PCCB: variants seen among roughly 807,000 people sequenced by gnomAD.
The protein encoded by PCCB is propionyl-CoA carboxylase subunit beta, also known as propionyl-CoA carboxylase beta chain, mitochondrial.
A neutral mutation model predicts 60.7 loss-of-function variants in PCCB; 43 were observed. That is an observed-to-expected ratio of 0.71 (90% confidence interval 0.55 to 0.91). The LOEUF (loss-of-function observed/expected upper bound fraction) is 0.91. Ranked by LOEUF, PCCB falls within the 40% of genes least tolerant of loss-of-function variation. PCCB has a pLI of 0.00. For missense variants in PCCB, 766 were observed against 702.8 expected (o/e 1.09, Z -1.02); for synonymous variants, 276 against 255.9 (o/e 1.08, Z -0.75).
chr3:136,298,152 T>G (rs1478427978), intron 8 of PCCB, 80 bp downstream of exon 8: 1 of 1,585,646 alleles, frequency 6.3e-7, no homozygotes, highest in Non-Finnish European at 8.6e-7. Context: ...CCCCAGGGTC[T>G]GCCTTGTTGG....
intron 13 of PCCB, 152 bp from the exon 14 acceptor site, chr3:136,328,606 C>A: frequency 1.5e-6 from 1 of 684,162 alleles, no homozygotes. Flanking sequence ...CCAGGCAGTT[C>A]CTCCCTCTAT....
At chr3:136,288,210 T>C (rs1215500223) in intron 6 of PCCB, among the ~76,000 whole-genome samples, 1 of 152,250 alleles carries the variant, frequency 6.6e-6, no homozygotes, top group Non-Finnish European at 1.5e-5. Flanking sequence ...TTGGTGAATG[T>C]TCCATGGGAG....
chr3:136,257,165 A>G (rs1011965689), intron 3 of PCCB, among the ~76,000 whole-genome samples: 2 of 152,196 alleles, frequency 1.3e-5, no homozygotes, highest in African/African-American at 4.8e-5. Context: ...TGGCCTTGCA[A>G]TAGGGAGAGT....
At chr3:136,309,590 A>G (rs1934582320) in intron 9 of PCCB, among the ~76,000 whole-genome samples, 1 of 151,966 alleles carries the variant, frequency 6.6e-6, no homozygotes, top group Non-Finnish European at 1.5e-5. Context: ...GCTTGAAGCC[A>G]GGAGTTGAAG....
At chr3:136,262,131 C>T in intron 5 of PCCB, 66 bp downstream of exon 5, 3 of 1,002,508 alleles carry the variant, frequency 3.0e-6, no homozygotes, top group South Asian at 1.4e-5. Flanking sequence ...ATGGCCTGGC[C>T]AGAGCTTCTC....
At chr3:136,324,169 C>T (rs576950886) in intron 10 of PCCB, among the ~76,000 whole-genome samples, 1 of 152,154 alleles carries the variant, frequency 6.6e-6, no homozygotes, top group East Asian at 1.9e-4. Flanking sequence ...TGGTCTTGAA[C>T]TCCTGTCCTT....
intron 7 of PCCB, among the ~76,000 whole-genome samples, chr3:136,295,710 C>T (rs1195805068): frequency 6.6e-6 from 1 of 152,192 alleles, no homozygotes; most frequent in Admixed American, 6.5e-5. Flanking sequence ...CTAGATATTC[C>T]ATCATCCACA....
At chr3:136,329,795 C>T in intron 14 of PCCB, 110 bp from the exon 15 acceptor site, 1 of 1,168,466 alleles carries the variant, frequency 8.6e-7, no homozygotes, top group Non-Finnish European at 1.3e-6. Flanking sequence ...TCAGGTTGGG[C>T]ACTGCTTATA....
intron 5 of PCCB, among the ~76,000 whole-genome samples, chr3:136,279,675 A>AT (rs780567066): frequency 7.3e-5 from 11 of 151,700 alleles, no homozygotes; most frequent in African/African-American, 2.2e-4. Context: ...TTATTTATTT[A>AT]TTTATTTTTT....
chr3:136,255,636 C>T (rs1576402087), intron 1 of PCCB: 1 of 575,708 alleles, frequency 1.7e-6, no homozygotes, highest in Non-Finnish European at 3.1e-6. Flanking sequence ...TCATCTTCCA[C>T]AGTTGGGTGG....
chr3:136,297,906 C>T, intron 7 of PCCB, 46 bp from the exon 8 acceptor site: 2 of 1,613,184 alleles, frequency 1.2e-6, no homozygotes, highest in Non-Finnish European at 1.7e-6. Flanking sequence ...CAACTTTGGG[C>T]TGGCTGGTAC....
Position 136,262,044 on chromosome 3 carries a change from T to G in PCCB, c.522T>G (p.Ala174=), listed in dbSNP as rs1488982685. The G allele has an allele frequency of 2.6e-6, 4 of 1,555,038 alleles. No individual in the cohort carries two copies. The highest frequency in any genetic ancestry group is 2.6e-6 in the Non-Finnish European group (3 of 1,147,676). ...ARIQEGVESL[A]GYADIFLRNV... ...TCCAAGAAGGAGTGGAGTCTTTGGC[T>G]GGCTATGCAGACATCTTTCTGGTGA... The change falls in exon 5 of 15, where the codon GCT becomes GCG. Residue 174 remains alanine (A), a synonymous_variant. Coordinates refer to ENST00000251654, the MANE Select transcript of PCCB (RefSeq NM_000532.5).
rs758309460 is a variant in PCCB, at chr3:136,327,178, AT to A, written c.1223del (p.Ile408ThrfsTer35). ...LPGTAQEYGG[I>X]IRHGAKLLYA... ...AGGCACAGCACAGGAATACGGGGGC[AT>A]CATCCGGCATGGTGCCAAGCTTCTC... On this transcript the variant is annotated frameshift_variant, in exon 12 of 15. Transcript: ENST00000251654. LOFTEE classifies it high-confidence loss of function. 313 of 1,614,088 alleles carry A rather than the reference AT, an allele frequency of 1.9e-4. No homozygotes were observed. Among genetic ancestry groups the A allele is most frequent in the Admixed American group, 2.8e-4 (17 of 60,022 alleles).
At chr3:136,274,811 T>A (rs1324755139) in intron 5 of PCCB, among the ~76,000 whole-genome samples, 2 of 151,972 alleles carry the variant, frequency 1.3e-5, no homozygotes, top group Non-Finnish European at 2.9e-5. Context: ...GAAGCTTTGT[T>A]CATTTCTTCT....
chr3:136,291,242 AG>A (rs1194076459), intron 6 of PCCB, among the ~76,000 whole-genome samples: 1 of 152,036 alleles, frequency 6.6e-6, no homozygotes, highest in Non-Finnish European at 1.5e-5. Flanking sequence ...TGAGTACCCA[AG>A]ACTACAGACA....
At chr3:136,268,111 T>G (rs1222062236) in intron 5 of PCCB, among the ~76,000 whole-genome samples, 6 of 134,520 alleles carry the variant, frequency 4.5e-5, no homozygotes, top group African/African-American at 1.2e-4. Flanking sequence ...TATATATATA[T>G]ATATATATAT....
intron 6 of PCCB, among the ~76,000 whole-genome samples, chr3:136,286,713 C>A (rs748554363): frequency 6.6e-6 from 1 of 152,138 alleles, no homozygotes; most frequent in Non-Finnish European, 1.5e-5. Context: ...TCATTTCCCA[C>A]CTGATTATTA....
chr3:136,276,696 C>T (rs931671124), intron 5 of PCCB, among the ~76,000 whole-genome samples: 2 of 152,178 alleles, frequency 1.3e-5, no homozygotes, highest in African/African-American at 4.8e-5. Flanking sequence ...CCAACTGTGT[C>T]TGTGTAGTGG....
chr3:136,260,199 G>A (rs1012838525), intron 3 of PCCB: 25 of 480,458 alleles, frequency 5.2e-5, no homozygotes, highest in Non-Finnish European at 8.4e-5. Context: ...TCAGCCTCCC[G>A]AGTAGCTGGG....
Sources: allele counts gnomAD v4.1 joint callset (sites outside exome capture counted in the v4.1 genomes callset), GRCh38; gene constraint gnomAD v4.1.1; transcripts MANE v1.5; gene names NCBI Gene and HGNC (gene_info 2026-07-23, HGNC 2026-07-21).